Variants in RCOR1 observed in about 807,000 individuals in gnomAD.
RCOR1 encodes the protein REST corepressor.
A neutral mutation model predicts 64.0 loss-of-function variants in RCOR1; 12 were observed. That is an observed-to-expected ratio of 0.19 (90% CI 0.12 to 0.30). The LOEUF is 0.30. RCOR1 is among the 10% of genes least tolerant of loss of function. RCOR1 has a pLI of 1.00. For synonymous variants in RCOR1, 279 were observed against 227.2 expected (o/e 1.23, Z -2.05); for missense variants, 502 against 621.2 (o/e 0.81, Z 2.04).
At chr14:102,673,509 G>T (rs1459189157) in intron 2 of RCOR1, among the ~76,000 whole-genome samples, 2 of 150,986 alleles carry the variant, frequency 1.3e-5, no homozygotes, top group African/African-American at 4.9e-5. Context: ...GCTAATTTTT[G>T]TATTTTTAGT....
chr14:102,632,861 G>A (rs1317904768), intron 2 of RCOR1, among the ~76,000 whole-genome samples: 3 of 148,844 alleles, frequency 2.0e-5, no homozygotes, highest in Non-Finnish European at 3.0e-5. Flanking sequence ...CACCTAGACT[G>A]AGTGCAGTGA....
At chr14:102,599,004 T>C (rs778074906) in intron 2 of RCOR1, among the ~76,000 whole-genome samples, 24 of 152,228 alleles carry the variant, frequency 1.6e-4, no homozygotes, top group Non-Finnish European at 3.2e-4. Context: ...TTGGTTTCTT[T>C]TAATATTCAG....
intron 2 of RCOR1, among the ~76,000 whole-genome samples, chr14:102,615,165 A>C (rs1893732083): frequency 1.0e-5 from 1 of 97,040 alleles, no homozygotes; most frequent in African/African-American, 4.1e-5. Flanking sequence ...ACAGAGTCTT[A>C]TTCTCACCCA....
At chr14:102,704,076 C>T (rs145873161) in intron 4 of RCOR1, among the ~76,000 whole-genome samples, 6 of 152,204 alleles carry the variant, frequency 3.9e-5, no homozygotes, top group African/African-American at 1.2e-4. Context: ...TCCTCTTATC[C>T]AAGAGAGTTG....
chr14:102,711,762 A>G (rs1171335525), intron 7 of RCOR1, among the ~76,000 whole-genome samples: 1 of 152,230 alleles, frequency 6.6e-6, no homozygotes, highest in Non-Finnish European at 1.5e-5. Flanking sequence ...CTTTAAAATG[A>G]CATCAGTAAT....
intron 2 of RCOR1, among the ~76,000 whole-genome samples, chr14:102,614,805 AAAAC>A (rs1342330206): frequency 6.6e-6 from 1 of 152,150 alleles, no homozygotes; most frequent in Non-Finnish European, 1.5e-5. Context: ...AAGCATATAA[AAAAC>A]AAAAATAAAA....
Position 102,651,109 on chromosome 14 carries a change from T to C in RCOR1, c.362-30786T>C, listed in dbSNP as rs59816375. On this transcript the variant is annotated intron_variant, in intron 2 of 11. Transcript: ENST00000262241. ...CTAGTTAGAAGAATTTGACAGTATG[T>C]TTGGTGCTGAGACCAGCTCGGTCGG... The C allele has an allele frequency of 2.0e-4, 196 of 984,178 alleles. 2 individuals carry two copies. The East Asian group carries it at 0.017, about 83-fold the overall frequency. The allele number at this position is 984,178 out of a possible 1,614,324, so 61.0% of individuals were successfully genotyped here.
At chr14:102,720,087 G>A (rs972849041) in intron 8 of RCOR1, among the ~76,000 whole-genome samples, 10 of 152,042 alleles carry the variant, frequency 6.6e-5, no homozygotes, top group East Asian at 1.9e-4. Context: ...AAAAATTTTC[G>A]GGTAGCATCT....
At chr14:102,711,683 C>G (rs2065374556) in intron 7 of RCOR1, among the ~76,000 whole-genome samples, 3 of 152,154 alleles carry the variant, frequency 2.0e-5, no homozygotes, top group Admixed American at 1.3e-4. Context: ...TTCTCTCTCT[C>G]TGCTCCAAAT....
intron 4 of RCOR1, 91 bp downstream of exon 4, chr14:102,701,421 G>C: frequency 1.0e-6 from 1 of 995,310 alleles, no homozygotes; most frequent in Non-Finnish European, 1.4e-6. Flanking sequence ...TTGAGTAGCA[G>C]TGTTTCTTCA....
intron 2 of RCOR1, among the ~76,000 whole-genome samples, chr14:102,597,468 A>G (rs1397944104): frequency 6.6e-6 from 1 of 151,008 alleles, no homozygotes. Flanking sequence ...AGCTGGGATT[A>G]CAGACGCACA....
intron 11 of RCOR1, among the ~76,000 whole-genome samples, chr14:102,726,241 C>T (rs1375144233): frequency 6.6e-6 from 1 of 151,626 alleles, no homozygotes. Context: ...GCAGAGGAAT[C>T]GCTTGACCCA....
At chr14:102,632,202 T>C (rs561825879) in intron 2 of RCOR1, among the ~76,000 whole-genome samples, 1 of 142,658 alleles carries the variant, frequency 7.0e-6, no homozygotes, top group African/African-American at 2.6e-5. Flanking sequence ...TCCTGAGAAA[T>C]AATTTCGTTT....
rs143198545 is a variant in RCOR1 at position 102,673,184 on chromosome 14, C to T, written c.362-8711C>T. 9.9e-5 allele frequency among the ~76,000 whole-genome samples: 15 copies of T among 152,142 alleles called. No individual in the cohort carries two copies. In the East Asian group the frequency reaches 2.9e-3, roughly 29 times the overall value. The stretch of plus-strand genomic sequence containing the variant: ...AAATGTACCCCATAACTAATAGTAC[C>T]AATTTTATGTTTTCAACATTTAAGT... On this transcript the variant is annotated intron_variant, in intron 2 of 11. Coordinates refer to ENST00000262241, the MANE Select transcript of RCOR1 (RefSeq NM_015156.4).
rs189017501 is a variant in RCOR1, at chr14:102,646,637, A to G, written c.362-35258A>G. Among the ~76,000 whole-genome samples, 8 of 152,364 alleles carry G rather than the reference A, an allele frequency of 5.3e-5. No homozygotes were observed. In the East Asian group the frequency reaches 1.5e-3, roughly 29 times the overall value. ...GCCTGATTGGCTTCTTGACTGAAAC[A>G]TATTTAGGTGGGAAGAGGAAGTGTG... On this transcript the variant is annotated intron_variant, in intron 2 of 11. Transcript: ENST00000262241.
chr14:102,661,279 C>T (rs1272805716), intron 2 of RCOR1, among the ~76,000 whole-genome samples: 3 of 152,010 alleles, frequency 2.0e-5, no homozygotes, highest in Non-Finnish European at 2.9e-5. Flanking sequence ...ACCCAGGAGG[C>T]GCAGGTTGCA....
chr14:102,710,179 G>A (rs147970762), intron 6 of RCOR1, among the ~76,000 whole-genome samples: 3,102 of 152,340 alleles, frequency 0.02, 46 homozygotes, highest in Middle Eastern at 0.031. Flanking sequence ...GAGGTGGCGC[G>A]TAGTGGGCAT....
At chr14:102,620,986 C>T (rs1893860554) in intron 2 of RCOR1, among the ~76,000 whole-genome samples, 1 of 152,146 alleles carries the variant, frequency 6.6e-6, no homozygotes, top group Non-Finnish European at 1.5e-5. Context: ...ATACTTAGTC[C>T]TTAGTGTCAT....
intron 2 of RCOR1, among the ~76,000 whole-genome samples, chr14:102,632,172 G>A (rs1185213290): frequency 6.6e-6 from 1 of 151,334 alleles, no homozygotes; most frequent in Non-Finnish European, 1.5e-5. Context: ...AACACTGGAG[G>A]GAAAAATTGG....
Sources: gnomAD v4.1 joint callset for allele counts (sites outside exome capture counted in the v4.1 genomes callset) on GRCh38, gnomAD v4.1.1 for gene constraint, MANE v1.5 for transcripts, NCBI Gene and HGNC (gene_info 2026-07-23, HGNC 2026-07-21) for gene names.